The following PIWIL2 variants were observed in gnomAD, a reference collection of about 807,000 sequenced individuals.
PIWIL2 encodes piwi-like protein 2.
A neutral mutation model predicts 116.5 loss-of-function variants in PIWIL2; 81 were observed. That is an observed-to-expected ratio of 0.70 (90% CI 0.58 to 0.84). The LOEUF (loss-of-function observed/expected upper bound fraction) is 0.84. Among genes scored for constraint, PIWIL2 ranks in the 40% least tolerant of loss-of-function variants. The pLI is 0.00. For synonymous variants in PIWIL2, 489 were observed against 429.5 expected, an observed-to-expected ratio of 1.14 and a Z score of -1.71; for missense variants, 1,272 against 1,212.3, an observed-to-expected ratio of 1.05 and a Z score of -0.73.
chr8:22,344,377 A>C (rs1832178590), intron 20 of PIWIL2, among the ~76,000 whole-genome samples: 1 of 152,342 alleles, frequency 6.6e-6, no homozygotes, highest in Admixed American at 6.5e-5. Flanking sequence ...TAACAAGTGT[A>C]CCATAATGCA....
chr8:22,313,438 T>C (rs1484723792), intron 16 of PIWIL2, among the ~76,000 whole-genome samples: 2 of 152,232 alleles, frequency 1.3e-5, no homozygotes, highest in African/African-American at 4.8e-5. Context: ...TGTTTAAATG[T>C]TAATTTAAAC....
Position 22,279,407 on chromosome 8 carries a change from G to T in PIWIL2, c.21G>T (p.Ser7=), listed in dbSNP as rs201571231. Residue 7 remains serine (S), a synonymous_variant, in exon 2 of 23, where the codon TCG becomes TCT. Coordinates refer to ENST00000356766, the MANE Select transcript of PIWIL2 (RefSeq NM_018068.5). MDPFRP[S]FRGQSPIHPS... ...CGTCCATGGATCCTTTCCGACCATCGTTCAGGGGCCAGTCTCCTATCCACC... is the reference window on the plus strand; with the variant it reads ...CGTCCATGGATCCTTTCCGACCATCTTTCAGGGGCCAGTCTCCTATCCACC... The T allele has an allele frequency of 1.1e-5, 17 of 1,614,098 alleles. No homozygotes were observed. The highest frequency in any genetic ancestry group is 1.7e-5 in the Admixed American group (1 of 60,002).
chr8:22,313,204 G>A (rs560812829), intron 16 of PIWIL2, among the ~76,000 whole-genome samples: 1 of 152,086 alleles, frequency 6.6e-6, no homozygotes, highest in African/African-American at 2.4e-5. Context: ...CATCTTTAAG[G>A]CATTCCATTA....
At chr8:22,281,617 T>C (rs1413316225) in intron 4 of PIWIL2, 102 bp downstream of exon 4, 5 of 970,344 alleles carry the variant, frequency 5.2e-6, no homozygotes, top group Non-Finnish European at 7.4e-6. Context: ...TCATAATCAA[T>C]GTCTGGTTTT....
chr8:22,281,155 G>T lies in PIWIL2; in HGVS notation c.234G>T (p.Leu78=). ...SVGLVSMFRG[L]GIETVSKTPL... Reference sequence around the variant, plus strand: ...GTTTGGTCTCCATGTTCCGAGGCCTGGGCATTGAAACAGTTTCTAAGACCC... The same window carrying T: ...GTTTGGTCTCCATGTTCCGAGGCCTTGGCATTGAAACAGTTTCTAAGACCC... The change falls in exon 3 of 23, where the codon CTG becomes CTT. Residue 78 remains leucine (L), a synonymous_variant. Coordinates refer to ENST00000356766, the MANE Select transcript of PIWIL2 (RefSeq NM_018068.5). 6.2e-7 allele frequency: 1 copy of T among 1,612,844 alleles called. No homozygotes were observed. Among genetic ancestry groups the T allele is most frequent in the Non-Finnish European group, 8.5e-7 (1 of 1,179,452 alleles).
intron 20 of PIWIL2, among the ~76,000 whole-genome samples, chr8:22,323,495 G>T (rs981993998): frequency 6.6e-6 from 1 of 152,160 alleles, no homozygotes. Flanking sequence ...TTCCCAAAGT[G>T]CTGGGATTAT....
At chr8:22,338,909 T>C (rs1404959012) in intron 20 of PIWIL2, among the ~76,000 whole-genome samples, 1 of 152,066 alleles carries the variant, frequency 6.6e-6, no homozygotes, top group Non-Finnish European at 1.5e-5. Context: ...CTTTAAAAAA[T>C]ACACTCACAG....
intron 10 of PIWIL2, among the ~76,000 whole-genome samples, chr8:22,294,900 GAAA>G (rs57742067): frequency 3.2e-5 from 3 of 93,648 alleles, no homozygotes; most frequent in Non-Finnish European, 4.2e-5. Flanking sequence ...ATCTTTACTG[GAAA>G]AAAAAAAAAA....
intron 21 of PIWIL2, 98 bp from the exon 22 acceptor site, chr8:22,354,173 G>T: frequency 1.3e-6 from 1 of 792,070 alleles, no homozygotes; most frequent in South Asian, 1.5e-5. Context: ...TGAGCTCTCT[G>T]AGCTTTAGTT....
intron 20 of PIWIL2, among the ~76,000 whole-genome samples, chr8:22,336,241 C>T (rs1831979130): frequency 6.6e-6 from 1 of 152,090 alleles, no homozygotes; most frequent in South Asian, 2.1e-4. Context: ...GGCTATAAAA[C>T]AAGGCTCAAT....
In PIWIL2 at chr8:22,281,383, G is replaced by A; in HGVS notation, c.293G>A (p.Gly98Asp). 6.2e-7 allele frequency: 1 copy of A among 1,609,248 alleles called. No homozygotes were observed. Among genetic ancestry groups the A allele is most frequent in the South Asian group, 1.1e-5 (1 of 89,864 alleles). ...LKREMLPSGR[G>D]ILGRGLSANL... ...GTTCGGTTCTTTCTTTCAGGTAGAG[G>A]CATTTTAGGTCGAGGCTTGTCTGCT... The change falls in exon 4 of 23, where the codon GGC becomes GAC. Residue 98 changes from glycine to aspartate, a missense_variant. By Grantham distance (94) the Gly-to-Asp change is moderately conservative. Transcript: ENST00000356766.
intron 14 of PIWIL2, 102 bp downstream of exon 14, chr8:22,308,175 A>C (rs568185712): frequency 1.1e-6 from 1 of 930,664 alleles, no homozygotes; most frequent in African/African-American, 1.7e-5. Context: ...ATGTTTGTCC[A>C]TGTCATTTAA....
At position 22,304,861 on chromosome 8, in the gene PIWIL2, A is replaced by G. The variant is rs773643424; in HGVS notation, c.1448A>G (p.His483Arg). ...AGGCCCAGTGAGAGACAGGATAATCATGGGATGGTGAGTAGGGCTGTCAGG... is the reference window on the plus strand; with the variant it reads ...AGGCCCAGTGAGAGACAGGATAATCGTGGGATGGTGAGTAGGGCTGTCAGG... ...IHRPSERQDN[H>R]GMLLKGEILL... The change falls in exon 12 of 23, where the codon CAT becomes CGT. Residue 483 changes from histidine to arginine, a missense_variant. His to Arg is a conservative substitution (Grantham distance 29). Coordinates refer to ENST00000356766, the MANE Select transcript of PIWIL2 (RefSeq NM_018068.5). The G allele has an allele frequency of 1.9e-6, 3 of 1,600,634 alleles. No individual in the cohort carries two copies. The South Asian group carries it at 3.3e-5, about 18-fold the overall frequency.
chr8:22,311,619 G>A (rs1050627290), intron 16 of PIWIL2, among the ~76,000 whole-genome samples: 5 of 152,174 alleles, frequency 3.3e-5, no homozygotes, highest in South Asian at 2.1e-4. Flanking sequence ...GTTAGGTGCC[G>A]TCTTGCACGA....
At position 22,355,373 on chromosome 8, in the gene PIWIL2, G is replaced by T; in HGVS notation, c.2790G>T (p.Met930Ile). The T allele has an allele frequency of 1.9e-6, 3 of 1,614,182 alleles. No individual in the cohort carries two copies. The highest frequency in any genetic ancestry group is 2.5e-6 in the Non-Finnish European group (3 of 1,180,012). ...MQRLTFKLCH[M>I]YWNWPGTIRV... ...GGCTGACTTTCAAACTGTGCCACAT[G>T]TACTGGAATTGGCCTGGCACCATCA... Residue 930 changes from methionine to isoleucine, a missense_variant, in exon 23 of 23, where the codon ATG (methionine) becomes ATT (isoleucine). Met to Ile is a conservative substitution (Grantham distance 10). Transcript: ENST00000356766.
intron 1 of PIWIL2, among the ~76,000 whole-genome samples, chr8:22,278,925 C>A (rs1312170535): frequency 2.0e-5 from 3 of 152,146 alleles, no homozygotes; most frequent in Admixed American, 2.0e-4. Context: ...CAGATGGGAC[C>A]AGCTAGTTGC....
chr8:22,335,218 G>C (rs1831953024), intron 20 of PIWIL2, among the ~76,000 whole-genome samples: 1 of 152,070 alleles, frequency 6.6e-6, no homozygotes, highest in African/African-American at 2.4e-5. Context: ...AGATGTAAGG[G>C]ATAGAAGAAC....
rs780428819 is a variant in PIWIL2 at position 22,289,902 on chromosome 8, A to G, written c.1042A>G (p.Ser348Gly). ...LVGRNFYDPT[S>G]AMVLQQHRLQ... ...GGGGAGAAACTTTTATGACCCTACA[A>G]GTGCTATGGTACTACAGCAACACAG... Residue 348 changes from serine to glycine, a missense_variant, in exon 9 of 23, where the codon AGT (serine) becomes GGT (glycine). Physicochemically the swap from Ser to Gly is moderately conservative, Grantham distance 56. Transcript: ENST00000356766. 1 of 1,611,076 alleles carries G rather than the reference A, an allele frequency of 6.2e-7. No homozygotes were observed. Among genetic ancestry groups the G allele is most frequent in the Admixed American group, 1.7e-5 (1 of 60,014 alleles).
chr8:22,285,479 A>G (rs1200676164), intron 6 of PIWIL2, among the ~76,000 whole-genome samples: 1 of 152,160 alleles, frequency 6.6e-6, no homozygotes, highest in East Asian at 1.9e-4. Flanking sequence ...ACTTAGATTG[A>G]TTCCACGTCT....
Sources: gnomAD v4.1 joint callset for allele counts (sites outside exome capture counted in the v4.1 genomes callset) on GRCh38, gnomAD v4.1.1 for gene constraint, MANE v1.5 for transcripts, NCBI Gene and HGNC (gene_info 2026-07-23, HGNC 2026-07-21) for gene names.